The following SHOX variants were observed in gnomAD, a reference collection of about 807,000 sequenced individuals.
SHOX encodes the protein SHOX homeobox.
In SHOX, 12 loss-of-function variants were observed where a neutral mutation model predicts 29.6. That is an observed-to-expected ratio of 0.41 (90% CI 0.26 to 0.66). The LOEUF (loss-of-function observed/expected upper bound fraction) is 0.66. SHOX is among the 30% of genes least tolerant of loss of function. The pLI is 0.35. For synonymous variants in SHOX, 214 were observed against 200.6 expected, an observed-to-expected ratio of 1.07 and a Z score of -0.57; for missense variants, 499 against 437.7, an observed-to-expected ratio of 1.14 and a Z score of -1.25.
In SHOX at chrX:651,430, A is replaced by C. The variant is rs1346378093; in HGVS notation, c.*6794A>C. ...ACAAACAGAAAAAAAAACCAAAAAA[A>C]ACCACCCTGAGTTTCTCTGGTGACG... On this transcript the variant is annotated 3_prime_UTR_variant, in exon 5 of 5. Transcript: ENST00000686671. 2.2e-6 allele frequency: 1 copy of C among 453,870 alleles called. No homozygotes were observed. The highest frequency in any genetic ancestry group is 7.0e-5 in the East Asian group (1 of 14,380). The allele number at this position is 453,870 out of a possible 1,614,324, so 28.1% of individuals were successfully genotyped here. A position where few individuals can be genotyped will look rare whatever the true frequency, so the allele number is the denominator to read the frequency against.
In SHOX at chrX:632,694, C is replaced by T. The variant is rs1360137616; in HGVS notation, c.277+1520C>T. On this transcript the variant is annotated intron_variant, in intron 1 of 4. Transcript: ENST00000686671. ...TGGCTACGGTTTACAAAGCAGTCCCCGGTTTCTGACCGTCTAAGAGGCAGG... is the reference window on the plus strand; with the variant it reads ...TGGCTACGGTTTACAAAGCAGTCCCTGGTTTCTGACCGTCTAAGAGGCAGG... 2.0e-5 allele frequency among the ~76,000 whole-genome samples: 3 copies of T among 152,288 alleles called. No individual in the cohort carries two copies. In the East Asian group the frequency reaches 5.8e-4, roughly 29 times the overall value.
downstream of SHOX, among the ~76,000 whole-genome samples, chrX:651,641 GAAAA>G (rs553983413): frequency 1.2e-4 from 13 of 107,548 alleles, no homozygotes; most frequent in African/African-American, 4.3e-4. Context: ...AGGCTTATTG[GAAAA>G]AAAAAAAAAA....
intron 1 of SHOX, chrX:631,780 C>A: frequency 2.4e-6 from 1 of 415,090 alleles, no homozygotes; most frequent in Non-Finnish European, 4.9e-6. Flanking sequence ...GATCCACCCG[C>A]CTCGGCCTCC....
At chrX:624,541 C>G (rs1412300788) in exon 1 of SHOX, 1 of 152,106 alleles carries the variant, frequency 6.6e-6, no homozygotes, top group Non-Finnish European at 1.5e-5. Context: ...GGTGACCGCG[C>G]TGGGGACGCC....
At chrX:643,636 G>A (rs2052906732) in intron 4 of SHOX, among the ~76,000 whole-genome samples, 2 of 134,260 alleles carry the variant, frequency 1.5e-5, no homozygotes, top group Non-Finnish European at 3.2e-5. Context: ...GGGATCTGGT[G>A]TCCTGGGGAG....
At chrX:630,614 C>T, upstream of SHOX, 1 of 575,040 alleles carries the variant, frequency 1.7e-6, no homozygotes, top group Non-Finnish European at 3.1e-6. Flanking sequence ...GTACGGACGC[C>T]AAACAGTGAT....
chrX:638,006 T>G (rs1363187057), intron 2 of SHOX, among the ~76,000 whole-genome samples: 1 of 152,198 alleles, frequency 6.6e-6, no homozygotes, highest in Non-Finnish European at 1.5e-5. Context: ...CAAATATCTT[T>G]GGGTTTATGG....
At chrX:633,762 C>G (rs958595040) in intron 1 of SHOX, among the ~76,000 whole-genome samples, 9 of 152,096 alleles carry the variant, frequency 5.9e-5, no homozygotes, top group Non-Finnish European at 8.8e-5. Context: ...GGAGATGCCA[C>G]TTCCACCAGC....
rs2052999216 is a variant in SHOX, at chrX:648,684, C to T, written c.*4048C>T. ...AACTGTGAGGGTGGGACACGAGTGTCTGTGGACACTGGCTGCCTTTGGCTT... is the reference window on the plus strand; with the variant it reads ...AACTGTGAGGGTGGGACACGAGTGTTTGTGGACACTGGCTGCCTTTGGCTT... On this transcript the variant is annotated 3_prime_UTR_variant, in exon 5 of 5. Coordinates refer to ENST00000686671, the MANE Select transcript of SHOX (RefSeq NM_000451.4). Among the ~76,000 whole-genome samples, 1 of 152,224 alleles carries T rather than the reference C, an allele frequency of 6.6e-6. No individual in the cohort carries two copies. Among genetic ancestry groups the T allele is most frequent in the Non-Finnish European group, 1.5e-5 (1 of 68,046 alleles).
In SHOX at chrX:641,062, G is replaced by T. The variant is rs1346676639; in HGVS notation, c.608G>T (p.Gly203Val). The T allele has an allele frequency of 6.2e-7, 1 of 1,613,806 alleles. No individual in the cohort carries two copies. Residue 203 changes from glycine (G) to valine (V), a missense_variant, in exon 4 of 5, where the codon GGA (glycine) becomes GTA (valine). Coordinates refer to ENST00000686671, the MANE Select transcript of SHOX (RefSeq NM_000451.4). ...CGAGTGGCACCCTACGTCAACATGG[G>T]AGCCTTACGGATGCCTTTCCAACAG... ...ACRVAPYVNM[G>V]ALRMPFQQVQ...
At position 644,604 on chromosome X, in the gene SHOX, G is replaced by C; in HGVS notation, c.847G>C (p.Ala283Pro). ...CAGCATCGCCGACCTGCGGCTCAAG[G>C]CGCGGAAGCACGCGGAGGCCCTGGG... ...NSSIADLRLK[A>P]RKHAEALGL The change falls in exon 5 of 5, where the codon GCG (alanine) becomes CCG (proline). Residue 283 changes from alanine to proline, a missense_variant. Physicochemically the swap from Ala to Pro is conservative, Grantham distance 27. Coordinates refer to ENST00000686671, the MANE Select transcript of SHOX (RefSeq NM_000451.4). The C allele has an allele frequency of 6.6e-7, 1 of 1,510,280 alleles. No individual in the cohort carries two copies. The highest frequency in any genetic ancestry group is 8.8e-7 in the Non-Finnish European group (1 of 1,136,332). The allele number at this position is 1,510,280 out of a possible 1,614,324, so 93.6% of individuals were successfully genotyped here. A position where few individuals can be genotyped will look rare whatever the true frequency, so the allele number is the denominator to read the frequency against.
chrX:652,276 A>AT (rs1247943984), downstream of SHOX, among the ~76,000 whole-genome samples: 7 of 151,506 alleles, frequency 4.6e-5, no homozygotes, highest in African/African-American at 1.7e-4. Flanking sequence ...TGATTGAGTC[A>AT]TTTTTGAGAC....
upstream of SHOX, chrX:630,593 C>T: frequency 1.9e-6 from 1 of 527,430 alleles, no homozygotes; most frequent in Non-Finnish European, 3.4e-6. Flanking sequence ...TTTCCCCCTT[C>T]GCACCAAGGT....
chrX:628,375 C>G (rs1160989212), upstream of SHOX, among the ~76,000 whole-genome samples: 1 of 150,728 alleles, frequency 6.6e-6, no homozygotes, highest in African/African-American at 2.4e-5. Context: ...GTCTGTTTCT[C>G]TCTCTCCATC....
chrX:652,546 G>T (rs374710563), downstream of SHOX, among the ~76,000 whole-genome samples: 482 of 152,014 alleles, frequency 3.2e-3, 24 homozygotes, highest in South Asian at 0.093. Flanking sequence ...TCTGTGGGGG[G>T]CTCAGAGCCT....
rs979179485 is a variant in SHOX at position 635,403 on chromosome X, G to C, written c.486+577G>C. ...GGATGAAAGGAGAGGGGTGTCCTCT[G>C]TCCCTAGGTGGAGAGAAACAGGGTC... On this transcript the variant is annotated intron_variant, in intron 2 of 4. Coordinates refer to ENST00000686671, the MANE Select transcript of SHOX (RefSeq NM_000451.4). 1.4e-4 allele frequency among the ~76,000 whole-genome samples: 22 copies of C among 152,158 alleles called. 1 individual carries two copies. The highest frequency in any genetic ancestry group is 7.2e-4 in the Admixed American group (11 of 15,274).
In SHOX at chrX:647,167, C is replaced by G. The variant is rs2124200958; in HGVS notation, c.*2531C>G. Among the ~76,000 whole-genome samples, 1 of 152,356 alleles carries G rather than the reference C, an allele frequency of 6.6e-6. No individual in the cohort carries two copies. Among genetic ancestry groups the G allele is most frequent in the South Asian group, 2.1e-4 (1 of 4,822 alleles). On this transcript the variant is annotated 3_prime_UTR_variant, in exon 5 of 5. Coordinates refer to ENST00000686671, the MANE Select transcript of SHOX (RefSeq NM_000451.4). ...TCTCGGCTCACCGCAACCTCCGCCT[C>G]CCGGGTTCAAGCCATTCTCCTGCCT...
intron 1 of SHOX, among the ~76,000 whole-genome samples, chrX:634,037 G>A (rs887300265): frequency 6.6e-6 from 1 of 152,220 alleles, no homozygotes; most frequent in African/African-American, 2.4e-5. Flanking sequence ...CTGCGCACGC[G>A]GTTCAGCCCC....
downstream of SHOX, among the ~76,000 whole-genome samples, chrX:652,135 G>C (rs1177494340): frequency 3.3e-5 from 5 of 152,058 alleles, no homozygotes; most frequent in Admixed American, 2.0e-4. Flanking sequence ...GTGTTGGTCA[G>C]GCTGGTCTCG....
Sources: allele counts gnomAD v4.1 joint callset (sites outside exome capture counted in the v4.1 genomes callset), GRCh38; gene constraint gnomAD v4.1.1; transcripts MANE v1.5; gene names NCBI Gene and HGNC (gene_info 2026-07-23, HGNC 2026-07-21).